The following SYT16 variants were observed in gnomAD, a reference collection of about 807,000 sequenced individuals.
SYT16 encodes the protein synaptotagmin-16.
In SYT16, 42 loss-of-function variants were observed where a neutral mutation model predicts 61.4. The ratio of observed to expected loss-of-function variants is 0.68; its 90% confidence interval spans 0.53 to 0.89. SYT16 has a LOEUF of 0.89. SYT16 is among the 40% of genes least tolerant of loss of function. The probability of loss-of-function intolerance (pLI) is 0.00; values close to 1 mark genes in which losing one functional copy is unlikely to be tolerated. For synonymous variants in SYT16, 314 were observed against 302.3 expected (o/e 1.04, Z -0.40); for missense variants, 804 against 807.3 (o/e 1.00, Z 0.05).
chr14:61,953,079 A>C (rs970833212), intron 1 of SYT16, among the ~76,000 whole-genome samples: 2 of 152,218 alleles, frequency 1.3e-5, no homozygotes, highest in African/African-American at 4.8e-5. Flanking sequence ...GAAGCATCAC[A>C]TAGCAAAAAA....
intron 3 of SYT16, among the ~76,000 whole-genome samples, chr14:62,020,273 T>C (rs2053859874): frequency 6.6e-6 from 1 of 152,196 alleles, no homozygotes; most frequent in Non-Finnish European, 1.5e-5. Flanking sequence ...ACCTCAATAG[T>C]AAAAGTACAT....
chr14:61,936,643 T>G (rs907866499), intron 1 of SYT16, among the ~76,000 whole-genome samples: 2 of 152,196 alleles, frequency 1.3e-5, no homozygotes, highest in Non-Finnish European at 2.9e-5. Flanking sequence ...CTCTCTTCAT[T>G]TTCCACATCC....
At chr14:61,853,946 T>A (rs2046694520) in intron 1 of SYT16, among the ~76,000 whole-genome samples, 1 of 152,220 alleles carries the variant, frequency 6.6e-6, no homozygotes, top group Non-Finnish European at 1.5e-5. Context: ...TGTCTCTATA[T>A]ACATGCATAT....
intron 1 of SYT16, among the ~76,000 whole-genome samples, chr14:61,868,876 G>T (rs1160067479): frequency 6.6e-6 from 1 of 151,880 alleles, no homozygotes; most frequent in Non-Finnish European, 1.5e-5. Flanking sequence ...TTGAGGTTCT[G>T]GTATTAAAAT....
chr14:61,826,952 G>A (rs1223496338), intron 1 of SYT16, among the ~76,000 whole-genome samples: 1 of 151,916 alleles, frequency 6.6e-6, no homozygotes, highest in Non-Finnish European at 1.5e-5. Flanking sequence ...GAAAGCTCTC[G>A]TGTTTTTTCC....
chr14:61,894,141 C>T (rs565179767), intron 1 of SYT16, among the ~76,000 whole-genome samples: 5 of 152,042 alleles, frequency 3.3e-5, no homozygotes, highest in Non-Finnish European at 7.4e-5. Flanking sequence ...AAAAATTAGC[C>T]GGGCATTGTG....
At chr14:62,017,129 A>G (rs1243149701) in intron 3 of SYT16, among the ~76,000 whole-genome samples, 3 of 152,218 alleles carry the variant, frequency 2.0e-5, no homozygotes, top group Non-Finnish European at 4.4e-5. Context: ...GGGATTTAAA[A>G]AAAGAAAATT....
At chr14:61,895,837 CATTT>C (rs1228241497) in intron 1 of SYT16, among the ~76,000 whole-genome samples, 1 of 152,148 alleles carries the variant, frequency 6.6e-6, no homozygotes, top group Non-Finnish European at 1.5e-5. Context: ...ATTTAAGGTA[CATTT>C]ATTCTGCATT....
At chr14:62,091,086 C>G (rs1212780360) in intron 7 of SYT16, among the ~76,000 whole-genome samples, 1 of 152,104 alleles carries the variant, frequency 6.6e-6, no homozygotes, top group East Asian at 1.9e-4. Flanking sequence ...CAAATCATAT[C>G]ACATGGTATG....
At chr14:61,986,606 C>A (rs1184993986) in intron 2 of SYT16, among the ~76,000 whole-genome samples, 3 of 152,062 alleles carry the variant, frequency 2.0e-5, no homozygotes, top group Non-Finnish European at 1.5e-5. Flanking sequence ...GCCTCCTCCC[C>A]CCACCCCACA....
chr14:61,961,904 G>A (rs1268507654), intron 1 of SYT16, among the ~76,000 whole-genome samples: 1 of 152,036 alleles, frequency 6.6e-6, no homozygotes, highest in Non-Finnish European at 1.5e-5. Flanking sequence ...AAGAAAATGT[G>A]GTACATATAT....
chr14:61,975,691 A>G (rs2051759660), intron 2 of SYT16, among the ~76,000 whole-genome samples: 1 of 152,128 alleles, frequency 6.6e-6, no homozygotes, highest in African/African-American at 2.4e-5. Context: ...TGTGGGGATT[A>G]TGGGGATCCT....
chr14:62,018,768 G>A (rs1159946748), intron 3 of SYT16, among the ~76,000 whole-genome samples: 2 of 152,106 alleles, frequency 1.3e-5, no homozygotes, highest in East Asian at 3.9e-4. Context: ...CTACATGAAT[G>A]TAAACGGTAC....
chr14:62,087,270 G>A (rs2140990679), intron 7 of SYT16, among the ~76,000 whole-genome samples: 1 of 152,362 alleles, frequency 6.6e-6, no homozygotes, highest in East Asian at 1.9e-4. Flanking sequence ...GAGGAATGGA[G>A]CTGTGAGTGG....
At chr14:61,815,029 C>G (rs752961919) in intron 1 of SYT16, among the ~76,000 whole-genome samples, 1 of 152,086 alleles carries the variant, frequency 6.6e-6, no homozygotes, top group Non-Finnish European at 1.5e-5. Context: ...TAAAAAAGAC[C>G]CTGACATCAG....
chr14:62,047,869 C>T (rs915745435), intron 3 of SYT16, among the ~76,000 whole-genome samples: 12 of 152,110 alleles, frequency 7.9e-5, no homozygotes, highest in Admixed American at 5.2e-4. Flanking sequence ...CTACTGGATT[C>T]GGTTTGCCAG....
chr14:61,933,686 C>G (rs2049862978), intron 1 of SYT16, among the ~76,000 whole-genome samples: 1 of 152,166 alleles, frequency 6.6e-6, no homozygotes, highest in South Asian at 2.1e-4. Context: ...GAGGCCAGCA[C>G]TGTTCCTGTT....
In SYT16 at chr14:62,051,277, G is replaced by C. The variant is rs537992471; in HGVS notation, c.524-18326G>C. On this transcript the variant is annotated intron_variant, in intron 3 of 7. Coordinates refer to ENST00000683842, the MANE Select transcript of SYT16 (RefSeq NM_001367656.1). ...GCTTAGGACCCTCCGAGCCATGTGC[G>C]GGATATAATCTCCTGGTGTGCTGTT... 3.9e-5 allele frequency among the ~76,000 whole-genome samples: 6 copies of C among 152,356 alleles called. No individual in the cohort carries two copies. The East Asian group carries it at 1.2e-3, about 29-fold the overall frequency.
chr14:61,939,171 T>C (rs1203203046), intron 1 of SYT16, among the ~76,000 whole-genome samples: 1 of 152,026 alleles, frequency 6.6e-6, no homozygotes, highest in African/African-American at 2.4e-5. Flanking sequence ...AAAAAGGACA[T>C]GAACCAGGGC....
Sources: allele counts gnomAD v4.1 joint callset (sites outside exome capture counted in the v4.1 genomes callset), GRCh38; gene constraint gnomAD v4.1.1; transcripts MANE v1.5; gene names NCBI Gene and HGNC (gene_info 2026-07-23, HGNC 2026-07-21).